FAM98B: variants seen among roughly 807,000 people sequenced by gnomAD.
FAM98B encodes the protein tRNA-splicing ligase complex subunit FAM98B.
A neutral mutation model predicts 43.9 loss-of-function variants in FAM98B; 32 were observed. The ratio of observed to expected loss-of-function variants is 0.73; its 90% CI spans 0.55 to 0.98. The LOEUF (loss-of-function observed/expected upper bound fraction) is 0.98. Ranked by LOEUF, FAM98B falls within the 50% of genes least tolerant of loss-of-function variation. The pLI is 0.00. For missense variants in FAM98B, 514 were observed against 522.9 expected (o/e 0.98, Z 0.17); for synonymous variants, 190 against 174.0 (o/e 1.09, Z -0.72).
intron 3 of FAM98B, among the ~76,000 whole-genome samples, chr15:38,466,697 A>G (rs1890039017): frequency 6.6e-6 from 1 of 152,210 alleles, no homozygotes; most frequent in Admixed American, 6.5e-5. Flanking sequence ...ATGGATGGTG[A>G]CGTCATAGAA....
chr15:38,474,290 A>G lies in FAM98B; in HGVS notation c.721A>G (p.Arg241Gly), dbSNP rs1234584683. Residue 241 changes from arginine to glycine, a missense_variant, in exon 6 of 8, where the codon AGA (arginine) becomes GGA (glycine). Coordinates refer to ENST00000397609, the MANE Select transcript of FAM98B (RefSeq NM_173611.4). ...TGTACAGTCCTTTGGATGGTCTGATAGAGCAAAGGTAAGGCTGTTTTCCCA... is the reference window on the plus strand; with the variant it reads ...TGTACAGTCCTTTGGATGGTCTGATGGAGCAAAGGTAAGGCTGTTTTCCCA... ...VTVQSFGWSD[R>G]AKVKTDDIAR... 2 of 1,610,258 alleles carry G rather than the reference A, an allele frequency of 1.2e-6. No homozygotes were observed. The highest frequency in any genetic ancestry group is 1.7e-6 in the Non-Finnish European group (2 of 1,177,154).
At chr15:38,464,411 C>T (rs1889996706) in intron 2 of FAM98B, among the ~76,000 whole-genome samples, 1 of 151,982 alleles carries the variant, frequency 6.6e-6, no homozygotes, top group African/African-American at 2.4e-5. Context: ...TTTTCTCTTC[C>T]TGACGGCTCT....
At chr15:38,470,803 T>G (rs1890119621) in intron 4 of FAM98B, 1 of 155,682 alleles carries the variant, frequency 6.4e-6, no homozygotes, top group Non-Finnish European at 1.4e-5. Flanking sequence ...GCAGAGTGGT[T>G]TCTTTGGCAG....
At chr15:38,462,971 C>G (rs1180053741) in intron 1 of FAM98B, among the ~76,000 whole-genome samples, 3 of 152,096 alleles carry the variant, frequency 2.0e-5, no homozygotes, top group African/African-American at 4.8e-5. Context: ...GAATGGGCTA[C>G]TATAAACCAG....
intron 7 of FAM98B, chr15:38,481,857 A>G (rs987966244): frequency 2.8e-5 from 9 of 324,138 alleles, no homozygotes; most frequent in Non-Finnish European, 5.2e-5. Flanking sequence ...CTGGGTTCCC[A>G]TCCTGGCTCT....
In FAM98B at chr15:38,468,752, G is replaced by A. The variant is rs1307680844; in HGVS notation, c.353-1475G>A. Among the ~76,000 whole-genome samples, 4 of 152,224 alleles carry A rather than the reference G, an allele frequency of 2.6e-5. No individual in the cohort carries two copies. In the East Asian group the frequency reaches 7.7e-4, roughly 29 times the overall value. ...ACACACAGATGCCCAACTCCTACTT[G>A]TAGATCTACTGTTCAGAATCTCAGA... On this transcript the variant is annotated intron_variant, in intron 3 of 7. Coordinates refer to ENST00000397609, the MANE Select transcript of FAM98B (RefSeq NM_173611.4).
chr15:38,458,923 G>A (rs75734485), intron 1 of FAM98B: 1 of 430,804 alleles, frequency 2.3e-6, no homozygotes, highest in South Asian at 2.0e-5. Flanking sequence ...CCAGGATGAG[G>A]GTTTTCCTCA....
intron 4 of FAM98B, among the ~76,000 whole-genome samples, chr15:38,471,856 G>A (rs1890135169): frequency 2.0e-5 from 3 of 152,222 alleles, no homozygotes; most frequent in East Asian, 1.9e-4. Flanking sequence ...AGCATTCACT[G>A]TTCTAAATGT....
intron 1 of FAM98B, among the ~76,000 whole-genome samples, chr15:38,460,260 C>T (rs1159870836): frequency 2.6e-5 from 4 of 152,132 alleles, no homozygotes; most frequent in Admixed American, 1.3e-4. Context: ...TCTCTGTAAA[C>T]GCAGAATGGC....
intron 3 of FAM98B, among the ~76,000 whole-genome samples, chr15:38,469,192 C>CA (rs1439957004): frequency 8.1e-6 from 1 of 123,030 alleles, no homozygotes; most frequent in Non-Finnish European, 1.8e-5. Flanking sequence ...AGGTGTGAGC[C>CA]ACCACTCCCA....
At chr15:38,481,748 TG>T in intron 7 of FAM98B, 1 of 862,442 alleles carries the variant, frequency 1.2e-6, no homozygotes, top group Non-Finnish European at 1.7e-6. Context: ...AATCATTTTT[TG>T]TCAGTAAGAA....
intron 6 of FAM98B, among the ~76,000 whole-genome samples, chr15:38,480,084 G>T (rs927220605): frequency 1.4e-4 from 21 of 151,938 alleles, no homozygotes; most frequent in Admixed American, 1.4e-3. Context: ...AAGTTTGCTG[G>T]TTGAATTATT....
Position 38,481,418 on chromosome 15 carries a change from A to G in FAM98B, c.856A>G (p.Ser286Gly), listed in dbSNP as rs763413844. 6.2e-7 allele frequency: 1 copy of G among 1,614,232 alleles called. No homozygotes were observed. Among genetic ancestry groups the G allele is most frequent in the Non-Finnish European group, 8.5e-7 (1 of 1,180,030 alleles). ...EDLSKIIRTS[S>G]GTSREKTACA... The stretch of plus-strand genomic sequence containing the variant: ...TCTATCCAAGATCATTAGGACAAGT[A>G]GTGGCACCAGCCGGGAGAAGACCGC... Residue 286 changes from serine to glycine, a missense_variant, in exon 7 of 8, where the codon AGT becomes GGT. Ser to Gly is a moderately conservative substitution (Grantham distance 56). This residue lies in a region of FAM98B where 469 missense variants were observed against 451.8 expected (regional missense o/e 1.04). Transcript: ENST00000397609.
At chr15:38,478,661 C>A (rs1467018947) in intron 6 of FAM98B, among the ~76,000 whole-genome samples, 1 of 152,054 alleles carries the variant, frequency 6.6e-6, no homozygotes. Flanking sequence ...AATTTTTGTT[C>A]ATGTCCATGA....
intron 1 of FAM98B, chr15:38,459,011 G>A (rs1046313443): frequency 1.7e-5 from 6 of 345,444 alleles, no homozygotes; most frequent in East Asian, 7.9e-5. Context: ...AGGTGAGCCC[G>A]GAACACCCCA....
intron 3 of FAM98B, among the ~76,000 whole-genome samples, chr15:38,465,908 G>A (rs1193771116): frequency 6.6e-6 from 1 of 151,836 alleles, no homozygotes; most frequent in African/African-American, 2.4e-5. Context: ...CATCAGGGAG[G>A]GATTTGGAAT....
intron 1 of FAM98B, among the ~76,000 whole-genome samples, chr15:38,462,180 A>G (rs1048519995): frequency 6.6e-6 from 1 of 152,022 alleles, no homozygotes. Flanking sequence ...AGAACAGTAC[A>G]TAGTAGGCTA....
At chr15:38,476,339 G>T (rs936516562) in intron 6 of FAM98B, among the ~76,000 whole-genome samples, 1 of 151,600 alleles carries the variant, frequency 6.6e-6, no homozygotes. Flanking sequence ...CACAATATGT[G>T]TTGGTCTGAA....
intron 4 of FAM98B, among the ~76,000 whole-genome samples, chr15:38,473,231 A>T (rs1224548450): frequency 6.6e-6 from 1 of 152,162 alleles, no homozygotes; most frequent in Non-Finnish European, 1.5e-5. Context: ...TAAGACACAG[A>T]TTCTCATAGT....
Sources: gnomAD v4.1 joint callset for allele counts (sites outside exome capture counted in the v4.1 genomes callset) on GRCh38, gnomAD v4.1.1 for gene constraint, gnomAD v4.1.1 regional missense constraint, MANE v1.5 for transcripts, NCBI Gene and HGNC (gene_info 2026-07-23, HGNC 2026-07-21) for gene names.